CCDC14: variants seen among roughly 807,000 people sequenced by gnomAD.
The protein encoded by CCDC14 is coiled-coil domain containing 14.
Under a neutral mutation model 81.4 loss-of-function variants are expected in CCDC14, and 71 were observed. That is an observed-to-expected ratio of 0.87 (90% CI 0.72 to 1.06). The LOEUF is 1.06. CCDC14 is among the 50% of genes least tolerant of loss of function. The pLI is 0.00. For missense variants in CCDC14, 1,046 were observed against 1,047.3 expected, an observed-to-expected ratio of 1.00 and a Z score of 0.02; for synonymous variants, 332 against 364.8, an observed-to-expected ratio of 0.91 and a Z score of 1.03.
At chr3:123,945,593 G>A (rs2036585113) in intron 8 of CCDC14, among the ~76,000 whole-genome samples, 1 of 152,056 alleles carries the variant, frequency 6.6e-6, no homozygotes, top group Non-Finnish European at 1.5e-5. Context: ...AACAGACACA[G>A]GCATAGAAGG....
chr3:123,953,649 G>A (rs1436432523), intron 5 of CCDC14: 3 of 152,174 alleles, frequency 2.0e-5, no homozygotes, highest in African/African-American at 7.2e-5. Flanking sequence ...TCCAATGGGA[G>A]TCTTGGCATA....
chr3:123,915,728 AG>A lies in CCDC14; in HGVS notation c.1779-11del, dbSNP rs746783308. On this transcript the variant is annotated splice_polypyrimidine_tract_variant and intron_variant, in intron 12 of 12. Coordinates refer to ENST00000409697, the MANE Select transcript of CCDC14 (RefSeq NM_001366335.1). The stretch of plus-strand genomic sequence containing the variant: ...GCTAGTCTGTAAAGTTCTGTTAAGA[AG>A]AATCCAGAACACTAATTATTATTTT... 2.5e-6 allele frequency: 4 copies of A among 1,571,004 alleles called. No individual in the cohort carries two copies. In the Admixed American group the frequency reaches 5.6e-5, roughly 22 times the overall value.
chr3:123,929,365 C>A (rs2035572412), intron 12 of CCDC14, among the ~76,000 whole-genome samples: 1 of 151,972 alleles, frequency 6.6e-6, no homozygotes, highest in African/African-American at 2.4e-5. Context: ...CGTTGGAATG[C>A]AGTGGCATGA....
At chr3:123,888,170 C>T in the CCDC14 span, among the ~76,000 whole-genome samples, 17 of 152,190 alleles carry the variant, frequency 1.1e-4, no homozygotes, top group African/African-American at 3.1e-4. Context: ...TTTCATGTCA[C>T]TCAGTGTGTA....
downstream of CCDC14, among the ~76,000 whole-genome samples, chr3:123,909,826 C>T (rs1319826811): frequency 6.6e-6 from 1 of 152,164 alleles, no homozygotes; most frequent in Non-Finnish European, 1.5e-5. Flanking sequence ...CCTAAAGTTT[C>T]CAGTGGTCAT....
chr3:123,919,210 T>C (rs1352457329), intron 12 of CCDC14, among the ~76,000 whole-genome samples: 4 of 152,194 alleles, frequency 2.6e-5, no homozygotes, highest in Non-Finnish European at 5.9e-5. Context: ...ACATATAGTT[T>C]CCTGAGGCCA....
chr3:123,896,151 T>C (rs2034059292), downstream of CCDC14, among the ~76,000 whole-genome samples: 1 of 152,236 alleles, frequency 6.6e-6, no homozygotes, highest in Non-Finnish European at 1.5e-5. Context: ...AAGAAGTGTT[T>C]GGGTCATGGA....
In CCDC14 at chr3:123,914,256, T is replaced by C; in HGVS notation, c.*523A>G. On this transcript the variant is annotated 3_prime_UTR_variant, in exon 13 of 13. Coordinates refer to ENST00000409697, the MANE Select transcript of CCDC14 (RefSeq NM_001366335.1). ...AGACCAATCAATGTTTTTTAAGAGG[T>C]GTAGATACTGGTAACTTTTCTCTTT... 1.0e-6 allele frequency: 1 copy of C among 983,718 alleles called. No homozygotes were observed. Among genetic ancestry groups the C allele is most frequent in the Non-Finnish European group, 1.2e-6 (1 of 828,028 alleles). The allele number at this position is 983,718 out of a possible 1,614,324, so 60.9% of individuals were successfully genotyped here.
chr3:123,917,735 G>A (rs1353523511), intron 12 of CCDC14, among the ~76,000 whole-genome samples: 1 of 151,778 alleles, frequency 6.6e-6, no homozygotes, highest in Non-Finnish European at 1.5e-5. Flanking sequence ...AGGTGCTACT[G>A]GTGGGAGTGT....
intron 3 of CCDC14, 110 bp from the exon 4 acceptor site, chr3:123,956,225 GA>G: frequency 7.8e-7 from 1 of 1,282,278 alleles, no homozygotes; most frequent in Non-Finnish European, 1.1e-6. Context: ...ATTATTGGTA[GA>G]AAAGATGTTT....
At chr3:123,897,842 G>A (rs1362078777) in intron 5 of CCDC14, among the ~76,000 whole-genome samples, 1 of 152,098 alleles carries the variant, frequency 6.6e-6, no homozygotes, top group Non-Finnish European at 1.5e-5. Flanking sequence ...TGAAAACCCA[G>A]CACATCAAAG....
chr3:123,898,713 G>A (rs2034120426), intron 5 of CCDC14, among the ~76,000 whole-genome samples: 1 of 152,032 alleles, frequency 6.6e-6, no homozygotes, highest in African/African-American at 2.4e-5. Flanking sequence ...TTTGAGACAG[G>A]GTCTTGCTCT....
intron 8 of CCDC14, 142 bp from the exon 9 acceptor site, chr3:123,945,132 A>G (rs774594651): frequency 2.1e-6 from 1 of 473,492 alleles, no homozygotes; most frequent in Non-Finnish European, 3.5e-6. Flanking sequence ...AATTTATTAT[A>G]CAGGTTCCAT....
chr3:123,938,030 C>T (rs960243036), intron 9 of CCDC14, among the ~76,000 whole-genome samples: 1 of 151,868 alleles, frequency 6.6e-6, no homozygotes, highest in Non-Finnish European at 1.5e-5. Context: ...TTACACCACA[C>T]CTCTTAGAAT....
downstream of CCDC14, among the ~76,000 whole-genome samples, chr3:123,908,962 A>G (rs2034382217): frequency 6.6e-6 from 1 of 152,204 alleles, no homozygotes; most frequent in South Asian, 2.1e-4. Flanking sequence ...ACTGACCTAA[A>G]AAAAAGAAAG....
intron 8 of CCDC14, among the ~76,000 whole-genome samples, chr3:123,946,165 A>G (rs17375837): frequency 0.051 from 7,705 of 150,974 alleles, 299 homozygotes; most frequent in South Asian, 0.11. Flanking sequence ...AACGTTAGGT[A>G]TTCAATCAAT....
At chr3:123,940,170 A>T (rs2036274479) in intron 9 of CCDC14, among the ~76,000 whole-genome samples, 1 of 151,796 alleles carries the variant, frequency 6.6e-6, no homozygotes, top group Non-Finnish European at 1.5e-5. Context: ...AAAAACAACA[A>T]AACAAAAAAC....
chr3:123,954,916 T>C (rs1043940553), intron 5 of CCDC14: 2 of 152,254 alleles, frequency 1.3e-5, no homozygotes, highest in East Asian at 1.9e-4. Flanking sequence ...CCATCTTGAA[T>C]AGCACAGGTC....
intron 12 of CCDC14, among the ~76,000 whole-genome samples, chr3:123,922,372 C>T: frequency 6.6e-6 from 1 of 151,580 alleles, no homozygotes; most frequent in South Asian, 2.1e-4. Flanking sequence ...AAGATCAGAG[C>T]AAGAAATATA....
Sources: allele counts gnomAD v4.1 joint callset (sites outside exome capture counted in the v4.1 genomes callset), GRCh38; gene constraint gnomAD v4.1.1; transcripts MANE v1.5; gene names NCBI Gene and HGNC (gene_info 2026-07-23, HGNC 2026-07-21).